C16orf96: variants seen among roughly 807,000 people sequenced by gnomAD.
The protein encoded by C16orf96 is chromosome 16 open reading frame 96.
C16orf96 carries 108 observed loss-of-function variants against 103.6 expected under a neutral mutation model. The ratio of observed to expected loss-of-function variants is 1.04; its 90% CI spans 0.89 to 1.22. The LOEUF (loss-of-function observed/expected upper bound fraction) is 1.22. C16orf96 is among the 50% of genes most tolerant of loss of function. C16orf96 has a pLI of 0.00. For missense variants in C16orf96, 1,586 were observed against 1,464.2 expected, an observed-to-expected ratio of 1.08 and a Z score of -1.36; for synonymous variants, 566 against 593.5, an observed-to-expected ratio of 0.95 and a Z score of 0.67.
chr16:4,584,257 G>A (rs1333870294), intron 7 of C16orf96, among the ~76,000 whole-genome samples: 3 of 140,438 alleles, frequency 2.1e-5, no homozygotes, highest in African/African-American at 7.5e-5. Context: ...GCCTAATCAT[G>A]GCTCAGTGCA....
Position 4,556,637 on chromosome 16 carries a change from G to A in C16orf96, c.148G>A (p.Glu50Lys), listed in dbSNP as rs2059265832. Residue 50 changes from glutamate (E) to lysine (K), a missense_variant, in exon 1 of 16, where the codon GAG becomes AAG. Physicochemically the swap from Glu to Lys is moderately conservative, Grantham distance 56. Coordinates refer to ENST00000444310, the MANE Select transcript of C16orf96 (RefSeq NM_001145011.2). ...GCTCAAGAAAGTCCTCTCAGGCGAT[G>A]AGGACTTCCTGCAGACCTCGCAGGT... ...AELKKVLSGD[E>K]DFLQTSQVVI... is the part of the protein sequence containing the mutation. 6.4e-7 allele frequency: 1 copy of A among 1,551,756 alleles called. No homozygotes were observed. The highest frequency in any genetic ancestry group is 1.4e-5 in the African/African-American group (1 of 73,184).
rs558226088 is a variant in C16orf96 at position 4,570,290 on chromosome 16, G to A, written c.421-1271G>A. ...TGGTAACTGAACCCTGCAATGCAGC[G>A]AGCAACCAACGTGCTTTTCAGTTAC... On this transcript the variant is annotated intron_variant, in intron 1 of 15. Coordinates refer to ENST00000444310, the MANE Select transcript of C16orf96 (RefSeq NM_001145011.2). Among the ~76,000 whole-genome samples the A allele has an allele frequency of 6.6e-5, 10 of 152,114 alleles. No individual in the cohort carries two copies. The South Asian group carries it at 1.0e-3, about 16-fold the overall frequency.
intron 1 of C16orf96, among the ~76,000 whole-genome samples, chr16:4,566,356 G>C (rs1318650714): frequency 1.3e-5 from 2 of 152,110 alleles, no homozygotes; most frequent in Non-Finnish European, 2.9e-5. Flanking sequence ...TCTGACTTTC[G>C]CTTCTGACCA....
chr16:4,559,420 G>A (rs1325427951), intron 1 of C16orf96, among the ~76,000 whole-genome samples: 4 of 150,904 alleles, frequency 2.7e-5, no homozygotes, highest in South Asian at 2.1e-4. Context: ...GCATGGTGGC[G>A]CATGCCTGGA....
At position 4,556,634 on chromosome 16, in the gene C16orf96, G is replaced by T. The variant is rs62625009; in HGVS notation, c.145G>T (p.Asp49Tyr). The T allele has an allele frequency of 4.5e-6, 7 of 1,551,610 alleles. No individual in the cohort carries two copies. Among genetic ancestry groups the T allele is most frequent in the African/African-American group, 2.7e-5 (2 of 73,066 alleles). ...MAELKKVLSG[D>Y]EDFLQTSQVV... ...CGAGCTCAAGAAAGTCCTCTCAGGC[G>T]ATGAGGACTTCCTGCAGACCTCGCA... The change falls in exon 1 of 16, where the codon GAT (aspartate) becomes TAT (tyrosine). Residue 49 changes from aspartate (D) to tyrosine (Y), a missense_variant. Asp to Tyr is a radical substitution (Grantham distance 160, BLOSUM62 -3). Coordinates refer to ENST00000444310, the MANE Select transcript of C16orf96 (RefSeq NM_001145011.2).
intron 15 of C16orf96, 24 bp from the exon 16 acceptor site, chr16:4,600,076 A>G (rs762375270): frequency 5.2e-6 from 8 of 1,544,762 alleles, no homozygotes; most frequent in South Asian, 1.2e-5. Context: ...GCACACATCT[A>G]GGGTTTCTCC....
intron 9 of C16orf96, among the ~76,000 whole-genome samples, 193 bp downstream of exon 9, chr16:4,588,524 C>G (rs1402785487): frequency 6.6e-6 from 1 of 152,116 alleles, no homozygotes; most frequent in Non-Finnish European, 1.5e-5. Flanking sequence ...CATCTGAAGG[C>G]TCGAATGAGG....
Position 4,575,840 on chromosome 16 carries a change from G to A in C16orf96, c.1360G>A (p.Val454Ile), listed in dbSNP as rs1186791210. The A allele has an allele frequency of 2.6e-6, 4 of 1,551,312 alleles. No individual in the cohort carries two copies. Among genetic ancestry groups the A allele is most frequent in the Non-Finnish European group, 3.5e-6 (4 of 1,146,982 alleles). The change falls in exon 5 of 16, where the codon GTC becomes ATC. Residue 454 changes from valine to isoleucine, a missense_variant. By Grantham distance (29) the Val-to-Ile change is conservative (BLOSUM62 3). Coordinates refer to ENST00000444310, the MANE Select transcript of C16orf96 (RefSeq NM_001145011.2). ...RQGEALQLAA[V>I]QVKGEENDVP... ...GGGAGAAGCCCTCCAGCTCGCAGCT[G>A]TCCAAGTAAAGGGGGAGGAAAATGA...
upstream of C16orf96, among the ~76,000 whole-genome samples, chr16:4,556,043 T>G (rs2059259660): frequency 6.6e-6 from 1 of 152,070 alleles, no homozygotes; most frequent in Non-Finnish European, 1.5e-5. Context: ...ACCTGGGTCT[T>G]CCTAACTCCA....
upstream of C16orf96, among the ~76,000 whole-genome samples, chr16:4,551,604 A>G (rs1460022204): frequency 6.6e-6 from 1 of 151,960 alleles, no homozygotes; most frequent in African/African-American, 2.4e-5. Context: ...GGCACCCGCC[A>G]CCATGCCTGG....
At chr16:4,584,488 C>T (rs1896871431) in intron 7 of C16orf96, among the ~76,000 whole-genome samples, 1 of 151,824 alleles carries the variant, frequency 6.6e-6, no homozygotes, top group Non-Finnish European at 1.5e-5. Flanking sequence ...GTTGGGACTA[C>T]AGGCGTGTGC....
intron 7 of C16orf96, among the ~76,000 whole-genome samples, chr16:4,580,803 C>A (rs1414252078): frequency 6.6e-6 from 1 of 151,906 alleles, no homozygotes; most frequent in East Asian, 1.9e-4. Context: ...GCCTGGCCAA[C>A]ATGGTGAAAC....
intron 7 of C16orf96, among the ~76,000 whole-genome samples, chr16:4,581,856 T>C (rs2059592628): frequency 6.6e-6 from 1 of 151,868 alleles, no homozygotes. Context: ...CCTGGGAGGC[T>C]GAGGTGGGAG....
At position 4,579,150 on chromosome 16, in the gene C16orf96, G is replaced by T. The variant is rs1296213480; in HGVS notation, c.2241+125G>T. The stretch of plus-strand genomic sequence containing the variant: ...CTGCAGCAAAACAGGCTGGGGGAAA[G>T]CGAGCTGGCTGCGAAGGCAGCTGCT... On this transcript the variant is annotated intron_variant, in intron 6 of 15. Coordinates refer to ENST00000444310, the MANE Select transcript of C16orf96 (RefSeq NM_001145011.2). The T allele has an allele frequency of 4.6e-6, 4 of 874,002 alleles. No individual in the cohort carries two copies. In the African/African-American group the frequency reaches 6.8e-5, roughly 15 times the overall value. 54.1% of individuals were successfully genotyped at this position (874,002 alleles called of 1,614,324 possible).
In C16orf96 at chr16:4,556,345, A is replaced by G; in HGVS notation, c.-145A>G. 1 of 763,728 alleles carries G rather than the reference A, an allele frequency of 1.3e-6. No homozygotes were observed. The highest frequency in any genetic ancestry group is 2.1e-5 in the South Asian group (1 of 47,034). The allele number at this position is 763,728 out of a possible 1,614,324, so 47.3% of individuals were successfully genotyped here. On this transcript the variant is annotated 5_prime_UTR_variant, in exon 1 of 16. Coordinates refer to ENST00000444310, the MANE Select transcript of C16orf96 (RefSeq NM_001145011.2). The stretch of plus-strand genomic sequence containing the variant: ...CTCTGATCTGAGCTCCAGCCAGAAC[A>G]GAGGCCATTCCTCCCTGACTGCTGT...
chr16:4,585,364 GGAGGCTTGCTT>G (rs1896900157), intron 7 of C16orf96, among the ~76,000 whole-genome samples: 1 of 151,786 alleles, frequency 6.6e-6, no homozygotes, highest in Non-Finnish European at 1.5e-5. Context: ...AGCTGAGGCA[GGAGGCTTGCTT>G]GAGCCTGGAA....
In C16orf96 at chr16:4,576,577, T is replaced by C; in HGVS notation, c.2097T>C (p.Ser699=). The change falls in exon 5 of 16, where the codon TCT becomes TCC. Residue 699 remains serine, a synonymous_variant. Coordinates refer to ENST00000444310, the MANE Select transcript of C16orf96 (RefSeq NM_001145011.2). ...HIAQIPVKHD[S]LKEEFAQLSC... is the part of the protein sequence containing the mutation. ...CCCAGATACCTGTCAAACACGACTC[T>C]CTGAAGGAAGAATTTGCCCAGCTGT... The C allele has an allele frequency of 6.4e-7, 1 of 1,551,556 alleles. No individual in the cohort carries two copies. The highest frequency in any genetic ancestry group is 8.7e-7 in the Non-Finnish European group (1 of 1,146,982).
At position 4,587,561 on chromosome 16, in the gene C16orf96, A is replaced by G. The variant is rs185462242; in HGVS notation, c.2427+448A>G. 2.1e-3 allele frequency among the ~76,000 whole-genome samples: 323 copies of G among 151,504 alleles called. 1 individual carries two copies. Among genetic ancestry groups the G allele is most frequent in the African/African-American group, 7.3e-3 (299 of 41,234 alleles). On this transcript the variant is annotated intron_variant, in intron 8 of 15. Transcript: ENST00000444310. ...AAAAAAAAAAAAAGAAAGAAAGAAAAAGAAAGAAAAGAAAGGAAAACAGGA... is the reference window on the plus strand; with the variant it reads ...AAAAAAAAAAAAAGAAAGAAAGAAAGAGAAAGAAAAGAAAGGAAAACAGGA...
intron 1 of C16orf96, among the ~76,000 whole-genome samples, chr16:4,564,003 G>A (rs924408160): frequency 6.6e-6 from 1 of 150,384 alleles, no homozygotes; most frequent in Admixed American, 6.6e-5. Context: ...TTCAAGACCA[G>A]CCTGGCCAAC....
Sources: gnomAD v4.1 joint callset for allele counts (sites outside exome capture counted in the v4.1 genomes callset) on GRCh38, gnomAD v4.1.1 for gene constraint, MANE v1.5 for transcripts, NCBI Gene and HGNC (gene_info 2026-07-23, HGNC 2026-07-21) for gene names.